TENM3: variants seen among roughly 807,000 people sequenced by gnomAD.
The protein encoded by TENM3 is teneurin-3.
Under a neutral mutation model 255.1 loss-of-function variants are expected in TENM3, and 63 were observed. The observed-to-expected ratio is 0.25, with a 90% CI of 0.20 to 0.30. The LOEUF is 0.30. TENM3 is among the 10% of genes least tolerant of loss of function. TENM3 has a pLI of 1.00. For missense variants in TENM3, 2,929 were observed against 3,461.1 expected, an observed-to-expected ratio of 0.85 and a Z score of 3.86; for synonymous variants, 1,306 against 1,322.3, an observed-to-expected ratio of 0.99 and a Z score of 0.27.
intron 4 of TENM3, among the ~76,000 whole-genome samples, chr4:182,613,149 G>A (rs886236193): frequency 9.9e-5 from 15 of 152,126 alleles, no homozygotes; most frequent in Non-Finnish European, 7.4e-5. Flanking sequence ...ATGAAGTCTT[G>A]TCCAGATAGC....
chr4:181,533,801 C>T, the TENM3 span, among the ~76,000 whole-genome samples: 3 of 152,212 alleles, frequency 2.0e-5, no homozygotes, highest in East Asian at 3.9e-4. Context: ...GTCTTTCTCA[C>T]TTCCACCTCC....
chr4:182,717,325 A>ATTCCT, intron 13 of TENM3, among the ~76,000 whole-genome samples: 1 of 152,324 alleles, frequency 6.6e-6, no homozygotes, highest in East Asian at 1.9e-4. Context: ...AATAGGAAGA[A>ATTCCT]CGTAGATGGG....
chr4:181,482,178 G>T, the TENM3 span, among the ~76,000 whole-genome samples: 5 of 151,954 alleles, frequency 3.3e-5, no homozygotes, highest in Admixed American at 1.3e-4. Flanking sequence ...ATGATGTTTT[G>T]ATATATATAA....
intron 3 of TENM3, among the ~76,000 whole-genome samples, chr4:182,577,555 A>G (rs1468824850): frequency 1.3e-5 from 2 of 152,256 alleles, no homozygotes; most frequent in Admixed American, 1.3e-4. Flanking sequence ...GAATGTCTAA[A>G]GGAAATTCCT....
intron 5 of TENM3, among the ~76,000 whole-genome samples, chr4:182,633,279 G>GT (rs1751552330): frequency 6.6e-6 from 1 of 152,090 alleles, no homozygotes; most frequent in Admixed American, 6.6e-5. Flanking sequence ...GTACTTAATG[G>GT]TTTTTCAGTA....
chr4:181,557,505 TA>T, the TENM3 span, among the ~76,000 whole-genome samples: 1 of 152,312 alleles, frequency 6.6e-6, no homozygotes, highest in South Asian at 2.1e-4. Context: ...TTGGGCAAAG[TA>T]CACACGTCTC....
At chr4:181,462,213 T>C in the TENM3 span, among the ~76,000 whole-genome samples, 2 of 152,200 alleles carry the variant, frequency 1.3e-5, no homozygotes, top group Non-Finnish European at 2.9e-5. Context: ...TTAGGAACCC[T>C]GAGAAATAGC....
chr4:181,923,191 C>T, the TENM3 span, among the ~76,000 whole-genome samples: 1 of 151,862 alleles, frequency 6.6e-6, no homozygotes, highest in African/African-American at 2.4e-5. Flanking sequence ...TGGTGCGGTG[C>T]TGAAAAAAAT....
rs191838723 is a variant in TENM3, at chr4:182,171,040, A to G, written c.-76+26286A>G. ...GGGTCAATACATGCTTTAAAAATCA[A>G]AGAAATTTTATTAATAAATTTGAAA... On this transcript the variant is annotated intron_variant, in intron 1 of 2. Coordinates refer to the TENM3 transcript ENST00000512480. Among the ~76,000 whole-genome samples the G allele has an allele frequency of 6.3e-4, 96 of 152,324 alleles. 1 individual carries two copies. The highest frequency in any genetic ancestry group is 4.0e-4 in the Non-Finnish European group (27 of 68,020).
chr4:181,958,679 T>C, the TENM3 span, among the ~76,000 whole-genome samples: 2 of 152,136 alleles, frequency 1.3e-5, no homozygotes, highest in Admixed American at 6.5e-5. Flanking sequence ...AGCCCTCCCA[T>C]GTCCTTCAAA....
At chr4:181,472,800 C>T in the TENM3 span, among the ~76,000 whole-genome samples, 32 of 152,194 alleles carry the variant, frequency 2.1e-4, no homozygotes, top group African/African-American at 7.2e-4. Context: ...CTGGGCTCTT[C>T]TCCCTCCTAA....
At chr4:182,724,152 C>T (rs1023417806) in intron 13 of TENM3, among the ~76,000 whole-genome samples, 1 of 152,128 alleles carries the variant, frequency 6.6e-6, no homozygotes, top group African/African-American at 2.4e-5. Flanking sequence ...GGGTTTTGAG[C>T]ATTTCTGATT....
At chr4:182,730,384 C>G in intron 15 of TENM3, 65 bp downstream of exon 15, 1 of 1,569,272 alleles carries the variant, frequency 6.4e-7, no homozygotes, top group Non-Finnish European at 8.7e-7. Context: ...CTTCCTGTAC[C>G]ACTGTCATGT....
the TENM3 span, among the ~76,000 whole-genome samples, chr4:181,606,695 A>T: frequency 6.6e-6 from 1 of 151,902 alleles, no homozygotes; most frequent in African/African-American, 2.4e-5. Context: ...TTTGTATGGT[A>T]AGATGGTTGC....
chr4:181,568,368 T>G, the TENM3 span, among the ~76,000 whole-genome samples: 1 of 151,994 alleles, frequency 6.6e-6, no homozygotes, highest in East Asian at 1.9e-4. Flanking sequence ...TACTATGTAT[T>G]TTTAGTAGAG....
At chr4:181,600,988 C>T in the TENM3 span, among the ~76,000 whole-genome samples, 3 of 152,190 alleles carry the variant, frequency 2.0e-5, no homozygotes, top group South Asian at 2.1e-4. Context: ...GATAGGATGG[C>T]CCTTTGCATT....
chr4:181,498,283 G>A, the TENM3 span, among the ~76,000 whole-genome samples: 5 of 152,072 alleles, frequency 3.3e-5, no homozygotes, highest in South Asian at 1.0e-3. Flanking sequence ...TTCAATAATA[G>A]TCAAGTGTGT....
the TENM3 span, among the ~76,000 whole-genome samples, chr4:181,581,250 G>A: frequency 4.6e-5 from 7 of 152,230 alleles, no homozygotes; most frequent in Admixed American, 6.5e-5. Flanking sequence ...AGACCAGCCC[G>A]GCCAACATGG....
At chr4:181,494,199 A>C in the TENM3 span, among the ~76,000 whole-genome samples, 1 of 152,200 alleles carries the variant, frequency 6.6e-6, no homozygotes, top group African/African-American at 2.4e-5. Context: ...TATATTCTCC[A>C]TCAGTGGTCC....
Sources: allele counts gnomAD v4.1 joint callset (sites outside exome capture counted in the v4.1 genomes callset), GRCh38; gene constraint gnomAD v4.1.1; transcripts MANE v1.5; gene names NCBI Gene and HGNC (gene_info 2026-07-23, HGNC 2026-07-21).